Variants in MYO15A observed in about 807,000 individuals in gnomAD.
The protein encoded by MYO15A is unconventional myosin-XV.
A neutral mutation model predicts 394.6 loss-of-function variants in MYO15A; 308 were observed. The observed-to-expected ratio is 0.78, with a 90% CI of 0.71 to 0.86. The LOEUF is 0.86. Ranked by LOEUF, MYO15A falls within the 40% of genes least tolerant of loss-of-function variation. MYO15A has a pLI of 0.00. For missense variants in MYO15A, 4,606 were observed against 4,799.1 expected, an observed-to-expected ratio of 0.96 and a Z score of 1.19; for synonymous variants, 1,957 against 2,003.8, an observed-to-expected ratio of 0.98 and a Z score of 0.62.
rs1237306623 is a variant in MYO15A, at chr17:18,163,751, G to T, written c.9700G>T (p.Asp3234Tyr). The change falls in exon 60 of 66, where the codon GAC (aspartate) becomes TAC (tyrosine). Residue 3234 changes from aspartate (D) to tyrosine (Y), a missense_variant. By Grantham distance (160) the Asp-to-Tyr change is radical. This residue lies in a region of MYO15A where 2,776 missense variants were observed against 3,109.3 expected (regional missense o/e 0.89). Coordinates refer to ENST00000647165, the MANE Select transcript of MYO15A (RefSeq NM_016239.4). ...TCCGCCCCACCCCCAGGTGGCCCTG[G>T]ACGTGGTGGAAGAGATATGTGCTGA... ...LKIKTCTVALDVVEEICAEMA... is the reference protein window; with the variant it reads ...LKIKTCTVALYVVEEICAEMA... The T allele has an allele frequency of 8.7e-6, 14 of 1,613,326 alleles. No individual in the cohort carries two copies. The highest frequency in any genetic ancestry group is 1.1e-5 in the Non-Finnish European group (13 of 1,179,638).
At position 18,132,606 on chromosome 17, in the gene MYO15A, C is replaced by T; in HGVS notation, c.4320+40C>T. The T allele has an allele frequency of 1.3e-6, 2 of 1,547,778 alleles. No homozygotes were observed. Among genetic ancestry groups the T allele is most frequent in the South Asian group, 1.1e-5 (1 of 89,864 alleles). ...GCATCTGAAGGCCCCTGGCCCTGGT[C>T]CTCCCACCCCGACGCCCCTGGCTGG... On this transcript the variant is annotated intron_variant, in intron 11 of 65. Coordinates refer to ENST00000647165, the MANE Select transcript of MYO15A (RefSeq NM_016239.4). This position sits in a 1 kb window ranked among gnomAD's most constrained non-coding sequence, Gnocchi z 4.6.
At chr17:18,178,488 A>C (rs904159451) in intron 65 of MYO15A, 1 of 562,112 alleles carries the variant, frequency 1.8e-6, no homozygotes, top group Non-Finnish European at 3.3e-6. Flanking sequence ...TGAGGCTCAG[A>C]GAGGTGAAGC....
At position 18,149,309 on chromosome 17, in the gene MYO15A, C is replaced by T. The variant is rs1330406146; in HGVS notation, c.7050C>T (p.Tyr2350=). ...CCAAAGTACTTGACTCTGATGGGTA[C>T]AGCAGCCACAATCAGGACGGTACAA... ...HMPKVLDSDG[Y]SSHNQDGTNG... is the part of the protein sequence containing the mutation. The change falls in exon 34 of 66, where the codon TAC becomes TAT. Residue 2350 remains tyrosine (Y), a synonymous_variant. Coordinates refer to ENST00000647165, the MANE Select transcript of MYO15A (RefSeq NM_016239.4). 6.2e-7 allele frequency: 1 copy of T among 1,612,940 alleles called. No homozygotes were observed. The highest frequency in any genetic ancestry group is 8.5e-7 in the Non-Finnish European group (1 of 1,179,428).
At chr17:18,154,103 A>G (rs781640051) in intron 43 of MYO15A, 28 bp from the exon 44 acceptor site, 36 of 1,613,402 alleles carry the variant, frequency 2.2e-5, no homozygotes, top group Non-Finnish European at 2.9e-5. Context: ...GCAGTCGGAC[A>G]GTACCCACTG....
In MYO15A at chr17:18,131,540, C is replaced by T. The variant is rs745477950; in HGVS notation, c.4206+9C>T. On this transcript the variant is annotated intron_variant, in intron 10 of 65. Transcript: ENST00000647165. ...CCAGGATCGTGTTTCAGGTGGGCCA[C>T]CCCCTCCCAGGCCTCTGTGTTGGGC... 1.9e-6 allele frequency: 3 copies of T among 1,613,716 alleles called. No individual in the cohort carries two copies. Among genetic ancestry groups the T allele is most frequent in the Admixed American group, 1.7e-5 (1 of 59,974 alleles).
At position 18,120,874 on chromosome 17, in the gene MYO15A, T is replaced by C. The variant is rs1170676294; in HGVS notation, c.2074T>C (p.Ser692Pro). The C allele has an allele frequency of 1.8e-5, 23 of 1,302,226 alleles. No individual in the cohort carries two copies. The highest frequency in any genetic ancestry group is 2.2e-5 in the Non-Finnish European group (23 of 1,023,358). The allele number at this position is 1,302,226 out of a possible 1,614,324, so 80.7% of individuals were successfully genotyped here. ...GCTCTCGGGCCTGCCCCGGCCGGCCTCGCCCTACGGCTCCCTCCGCCGCCA... is the reference window on the plus strand; with the variant it reads ...GCTCTCGGGCCTGCCCCGGCCGGCCCCGCCCTACGGCTCCCTCCGCCGCCA... ...PALSGLPRPA[S>P]PYGSLRRHPP... The change falls in exon 2 of 66, where the codon TCG becomes CCG. Residue 692 changes from serine (S) to proline (P), a missense_variant. By Grantham distance (74) the Ser-to-Pro change is moderately conservative (BLOSUM62 -1). Coordinates refer to ENST00000647165, the MANE Select transcript of MYO15A (RefSeq NM_016239.4).
Position 18,135,798 on chromosome 17 carries a change from C to T in MYO15A, c.4570C>T (p.Gln1524Ter), listed in dbSNP as rs1209665716. Residue 1524 changes from glutamine (Q) to a stop codon, truncating the protein, a stop_gained, in exon 13 of 66, where the codon CAG (glutamine) becomes TAG (stop). Coordinates refer to ENST00000647165, the MANE Select transcript of MYO15A (RefSeq NM_016239.4). LOFTEE classifies it high-confidence loss of function. Reference protein sequence around the residue: ...ELLQISPEGLQKAITFKVTET... With the variant: ...ELLQISPEGL ...GCTGCAGATCTCCCCTGAGGGCCTG[C>T]AGAAGGCCATCACCTTCAAAGTGAC... 1 of 1,614,066 alleles carries T rather than the reference C, an allele frequency of 6.2e-7. No individual in the cohort carries two copies. Among genetic ancestry groups the T allele is most frequent in the South Asian group, 1.1e-5 (1 of 91,054 alleles).
intron 53 of MYO15A, 64 bp downstream of exon 53, chr17:18,159,061 GCC>G (rs1470501224): frequency 6.5e-7 from 1 of 1,542,360 alleles, no homozygotes. Flanking sequence ...CCCCTCCCAG[GCC>G]CCTGGGGCCA....
Position 18,150,642 on chromosome 17 carries a change from G to A in MYO15A, c.7328-56G>A. 1 of 1,601,074 alleles carries A rather than the reference G, an allele frequency of 6.2e-7. No homozygotes were observed. The highest frequency in any genetic ancestry group is 8.5e-7 in the Non-Finnish European group (1 of 1,172,620). ...AGCCACAGCATGATGGGGGCTGAGA[G>A]GACAGGGAGGAGGGCATCTCCGGTG... On this transcript the variant is annotated intron_variant, in intron 36 of 65. Coordinates refer to ENST00000647165, the MANE Select transcript of MYO15A (RefSeq NM_016239.4). This position sits in a 1 kb window ranked among gnomAD's most constrained non-coding sequence, Gnocchi z 4.4.
At chr17:18,114,239 G>A (rs1196759888) in intron 1 of MYO15A, among the ~76,000 whole-genome samples, 1 of 67,104 alleles carries the variant, frequency 1.5e-5, no homozygotes, top group African/African-American at 4.1e-5. Flanking sequence ...CCACAGTCCT[G>A]TCTTTTTTTT....
In MYO15A at chr17:18,148,115, G is replaced by A. The variant is rs1482433438; in HGVS notation, c.6596G>A (p.Gly2199Asp). The A allele has an allele frequency of 3.1e-6, 5 of 1,613,734 alleles. No individual in the cohort carries two copies. Among genetic ancestry groups the A allele is most frequent in the Non-Finnish European group, 3.4e-6 (4 of 1,180,044 alleles). ...MQAMGRAQQQ[G>D]SGAARTLPPT... ...GCCATGGGCCGGGCCCAACAGCAGG[G>A]CTCGGGGGCTGCCCGCACCTTACCC... is the stretch of plus-strand genomic sequence containing the variant. Residue 2199 changes from glycine (G) to aspartate (D), a missense_variant, in exon 31 of 66, where the codon GGC becomes GAC. By Grantham distance (94) the Gly-to-Asp change is moderately conservative. This residue lies in a region of MYO15A where 2,776 missense variants were observed against 3,109.3 expected (regional missense o/e 0.89). Coordinates refer to ENST00000647165, the MANE Select transcript of MYO15A (RefSeq NM_016239.4). The surrounding 1 kb of genome is among the most constrained non-coding windows in gnomAD (Gnocchi z 4.8).
At position 18,131,241 on chromosome 17, in the gene MYO15A, C is replaced by A. The variant is rs772769240; in HGVS notation, c.4041C>A (p.Ile1347=). The change falls in exon 9 of 66, where the codon ATC becomes ATA. Residue 1347 remains isoleucine (I), a splice_region_variant and synonymous_variant. Transcript: ENST00000647165. ...CCACATCTCCTTCTGGAGTCCAGAT[C>A]CTGGAGGCAACACCCCTCTTGGAGT... ...QKREVMQQIK[I]LEATPLLESF... 6.2e-7 allele frequency: 1 copy of A among 1,612,984 alleles called. No homozygotes were observed. Among genetic ancestry groups the A allele is most frequent in the Non-Finnish European group, 8.5e-7 (1 of 1,179,338 alleles).
chr17:18,133,459 G>T (rs1418850285), intron 12 of MYO15A, 73 bp downstream of exon 12: 1 of 1,580,526 alleles, frequency 6.3e-7, no homozygotes, highest in Non-Finnish European at 8.6e-7. Flanking sequence ...GGCCTTCTCT[G>T]TTTCCCTTTC....
intron 1 of MYO15A, among the ~76,000 whole-genome samples, chr17:18,116,968 T>A (rs2045797618): frequency 6.6e-6 from 1 of 151,252 alleles, no homozygotes; most frequent in African/African-American, 2.4e-5. Context: ...GTCCTTCATT[T>A]TTCCTCAAGC....
chr17:18,152,105 G>T lies in MYO15A; in HGVS notation c.7894-7G>T, dbSNP rs774268675. 21 of 1,551,480 alleles carry T rather than the reference G, an allele frequency of 1.4e-5. No individual in the cohort carries two copies. Among genetic ancestry groups the T allele is most frequent in the Admixed American group, 2.0e-5 (1 of 51,052 alleles). The stretch of plus-strand genomic sequence containing the variant: ...GCCCCCTGAGCAGTCTCTTTGGGGT[G>T]GGACAGGTGTCCAGAGAGGCCGTGG... On this transcript the variant is annotated splice_polypyrimidine_tract_variant and splice_region_variant and intron_variant, in intron 41 of 65. Transcript: ENST00000647165.
At chr17:18,161,219 C>T (rs1343595120) in intron 56 of MYO15A, 98 bp from the exon 57 acceptor site, 1 of 1,500,628 alleles carries the variant, frequency 6.7e-7, no homozygotes, top group Non-Finnish European at 9.1e-7. Context: ...ACAGGAGCTG[C>T]CTGAGAGTTG....
intron 62 of MYO15A, among the ~76,000 whole-genome samples, chr17:18,168,457 G>A (rs371570433): frequency 1.3e-5 from 2 of 151,890 alleles, no homozygotes; most frequent in African/African-American, 2.4e-5. Context: ...CCAGCTACTC[G>A]GGAGGCTGAG....
Position 18,157,763 on chromosome 17 carries a change from C to G in MYO15A, c.8830C>G (p.Pro2944Ala). The G allele has an allele frequency of 6.2e-7, 1 of 1,606,104 alleles. No individual in the cohort carries two copies. The highest frequency in any genetic ancestry group is 8.5e-7 in the Non-Finnish European group (1 of 1,179,864). ...CATCCACGGGCGCGTGGGCCGCTTC[C>G]CTTCGGAGCTGGTGCAGCCCGCTGC... Reference protein sequence around the residue: ...GTIHGRVGRFPSELVQPAAAP... With the variant: ...GTIHGRVGRFASELVQPAAAP... Residue 2944 changes from proline to alanine, a missense_variant, in exon 51 of 66, where the codon CCT (proline) becomes GCT (alanine). By Grantham distance (27) the Pro-to-Ala change is conservative. Coordinates refer to ENST00000647165, the MANE Select transcript of MYO15A (RefSeq NM_016239.4).
Position 18,132,471 on chromosome 17 carries a change from TACC to T in MYO15A, c.4228_4230del (p.His1410del), listed in dbSNP as rs1156669816. On this transcript the variant is annotated inframe_deletion, in exon 11 of 66. Coordinates refer to ENST00000647165, the MANE Select transcript of MYO15A (RefSeq NM_016239.4). This position sits in a 1 kb window ranked among gnomAD's most constrained non-coding sequence, Gnocchi z 4.6. ...TCTACAGGCCAAAAACGAGAGGAATTACCACATCTTCTACGAGTTGCTGGCCGG... is the reference window on the plus strand; with the variant it reads ...TCTACAGGCCAAAAACGAGAGGAATTACATCTTCTACGAGTTGCTGGCCGG... 6.2e-7 allele frequency: 1 copy of T among 1,613,968 alleles called. No individual in the cohort carries two copies. Among genetic ancestry groups the T allele is most frequent in the Non-Finnish European group, 8.5e-7 (1 of 1,180,020 alleles).
Sources: gnomAD v4.1 joint callset for allele counts (sites outside exome capture counted in the v4.1 genomes callset) on GRCh38, gnomAD v4.1.1 for gene constraint, gnomAD v4.1.1 regional missense constraint, Gnocchi (gnomAD v3.1) non-coding constraint, MANE v1.5 for transcripts, NCBI Gene and HGNC (gene_info 2026-07-23, HGNC 2026-07-21) for gene names.